The following ANK3 variants were observed in gnomAD, a reference collection of about 807,000 sequenced individuals.
The protein encoded by ANK3 is ankyrin-3.
In ANK3, 57 loss-of-function variants were observed where a neutral mutation model predicts 370.9. That is an observed-to-expected ratio of 0.15 (90% CI 0.12 to 0.19). The LOEUF is 0.19. Ranked by LOEUF, ANK3 falls within the 10% of genes least tolerant of loss-of-function variation. The pLI is 1.00. For missense variants in ANK3, 4,439 were observed against 5,302.1 expected (o/e 0.84, Z 5.06); for synonymous variants, 1,929 against 1,946.3 (o/e 0.99, Z 0.23).
chr10:60,492,706 C>CAAAAAAAAAAAAAA (rs764367710), intron 2 of ANK3, among the ~76,000 whole-genome samples: 1 of 57,506 alleles, frequency 1.7e-5, no homozygotes, highest in Non-Finnish European at 3.2e-5. Flanking sequence ...GACTCTGTCT[C>CAAAAAAAAAAAAAA]AAAAAAAAAA....
chr10:60,103,287 G>C (rs1432220673), intron 28 of ANK3, among the ~76,000 whole-genome samples: 2 of 152,122 alleles, frequency 1.3e-5, no homozygotes. Flanking sequence ...GAGTGACCTG[G>C]TCACTGGTTT....
intron 2 of ANK3, among the ~76,000 whole-genome samples, chr10:60,530,675 C>T (rs2076585171): frequency 6.6e-6 from 1 of 152,104 alleles, no homozygotes; most frequent in Non-Finnish European, 1.5e-5. Flanking sequence ...GCCTTGGGCA[C>T]CCCTAACCTG....
Position 60,172,346 on chromosome 10 carries a change from T to A in ANK3, c.2440A>T (p.Thr814Ser). 6.2e-7 allele frequency: 1 copy of A among 1,614,010 alleles called. No individual in the cohort carries two copies. The highest frequency in any genetic ancestry group is 8.5e-7 in the Non-Finnish European group (1 of 1,179,904). ...RRLGYISVVDTLKIVTEETMT... is the reference protein window; with the variant it reads ...RRLGYISVVDSLKIVTEETMT... ...GTCTCTTCGGTCACTATCTTCAGGG[T>A]GTCCACTACTGAGATGTAGCCGAGG... The change falls in exon 21 of 44, where the codon ACC (threonine) becomes TCC (serine). Residue 814 changes from threonine (T) to serine (S), a missense_variant. Thr to Ser is a moderately conservative substitution (Grantham distance 58). This residue lies in a region of ANK3 where 702 missense variants were observed against 941.5 expected (regional missense o/e 0.75). Coordinates refer to ENST00000280772, the MANE Select transcript of ANK3 (RefSeq NM_020987.5).
rs1261167497 is a variant in ANK3, at chr10:60,082,820, T to C, written c.4201-83A>G. 8.2e-6 allele frequency: 12 copies of C among 1,468,446 alleles called. 1 individual carries two copies. The Middle Eastern group carries it at 5.5e-4, about 67-fold the overall frequency. The allele number at this position is 1,468,446 out of a possible 1,614,324, so 91.0% of individuals were successfully genotyped here. Reference sequence around the variant, plus strand: ...CTGTATAAGAGTTAAGCATGGTTGTTTTATCAAGCCCTATGAGAGGCAGGA... The same window carrying C: ...CTGTATAAGAGTTAAGCATGGTTGTCTTATCAAGCCCTATGAGAGGCAGGA... On this transcript the variant is annotated intron_variant, in intron 33 of 43. Transcript: ENST00000280772.
intron 1 of ANK3, among the ~76,000 whole-genome samples, chr10:60,679,319 C>A (rs940809116): frequency 6.6e-6 from 1 of 152,078 alleles, no homozygotes; most frequent in African/African-American, 2.4e-5. Flanking sequence ...TGTCAGGCAA[C>A]CATCAGGTGA....
At chr10:60,444,670 C>T (rs1194290749) in intron 2 of ANK3, among the ~76,000 whole-genome samples, 1 of 152,040 alleles carries the variant, frequency 6.6e-6, no homozygotes, top group Non-Finnish European at 1.5e-5. Context: ...TAATTTTTGT[C>T]ACTAGAGGGA....
At chr10:60,597,299 G>A (rs2078001276) in intron 2 of ANK3, among the ~76,000 whole-genome samples, 1 of 152,134 alleles carries the variant, frequency 6.6e-6, no homozygotes. Context: ...AATTACAAAT[G>A]AGATGGGAAG....
chr10:60,196,315 G>T, intron 15 of ANK3, 72 bp from the exon 16 acceptor site: 1 of 1,361,250 alleles, frequency 7.3e-7, no homozygotes, highest in South Asian at 1.2e-5. Flanking sequence ...TTGAGGAAAT[G>T]AAATTAGATT....
intron 1 of ANK3, among the ~76,000 whole-genome samples, chr10:60,338,858 C>T (rs1328170195): frequency 1.3e-5 from 2 of 152,134 alleles, no homozygotes; most frequent in Non-Finnish European, 2.9e-5. Flanking sequence ...GCAATCTACT[C>T]AGAGGCCAAA....
chr10:60,196,774 G>A, intron 14 of ANK3, 149 bp from the exon 15 acceptor site: 1 of 599,554 alleles, frequency 1.7e-6, no homozygotes, highest in Middle Eastern at 4.4e-4. Context: ...TTGATGATGA[G>A]CAGTGAAGTC....
At chr10:60,572,844 C>G in intron 2 of ANK3, 2 of 1,090,502 alleles carry the variant, frequency 1.8e-6, no homozygotes, top group Non-Finnish European at 2.2e-6. Context: ...CCTGACAAGA[C>G]TTTGTTGCTT....
chr10:60,487,250 C>G (rs2075372498), intron 2 of ANK3, among the ~76,000 whole-genome samples: 1 of 152,232 alleles, frequency 6.6e-6, no homozygotes, highest in Non-Finnish European at 1.5e-5. Context: ...TCATCCAGTA[C>G]TTTGCATTAA....
chr10:60,267,991 A>G (rs760778529), intron 5 of ANK3, among the ~76,000 whole-genome samples: 15 of 152,142 alleles, frequency 9.9e-5, no homozygotes, highest in Non-Finnish European at 1.9e-4. Flanking sequence ...TTCTCTGCCT[A>G]GCAAGTTTGT....
upstream of ANK3, among the ~76,000 whole-genome samples, chr10:60,392,500 G>T (rs1319239016): frequency 6.6e-6 from 1 of 152,116 alleles, no homozygotes; most frequent in Non-Finnish European, 1.5e-5. Flanking sequence ...ACAGTACAAG[G>T]TCCAGTCAGG....
At chr10:60,496,712 T>A (rs547440868) in intron 2 of ANK3, among the ~76,000 whole-genome samples, 1 of 145,942 alleles carries the variant, frequency 6.9e-6, no homozygotes, top group Non-Finnish European at 1.5e-5. Flanking sequence ...TTTGGTATTC[T>A]CTGCATAACT....
chr10:60,344,498 C>G (rs1489034536), intron 1 of ANK3, among the ~76,000 whole-genome samples: 1 of 152,120 alleles, frequency 6.6e-6, no homozygotes, highest in African/African-American at 2.4e-5. Context: ...CAAAGACGCA[C>G]AGCAAAGAGG....
intron 39 of ANK3, among the ~76,000 whole-genome samples, chr10:60,063,812 C>G (rs571343289): frequency 2.0e-5 from 3 of 152,178 alleles, no homozygotes; most frequent in Non-Finnish European, 4.4e-5. Flanking sequence ...CACCTCCAGC[C>G]ATAGTGGTAA....
At chr10:60,396,160 T>C (rs1353064640) in intron 2 of ANK3, among the ~76,000 whole-genome samples, 4 of 151,906 alleles carry the variant, frequency 2.6e-5, no homozygotes, top group Non-Finnish European at 5.9e-5. Context: ...AGTAAACAAA[T>C]AAAAAAATGA....
chr10:60,068,870 C>T lies in ANK3; in HGVS notation c.12011G>A (p.Ser4004Asn). The T allele has an allele frequency of 6.2e-7, 1 of 1,614,186 alleles. No homozygotes were observed. Among genetic ancestry groups the T allele is most frequent in the Non-Finnish European group, 8.5e-7 (1 of 1,180,020 alleles). The change falls in exon 37 of 44, where the codon AGT (serine) becomes AAT (asparagine). Residue 4004 changes from serine to asparagine, a missense_variant. Physicochemically the swap from Ser to Asn is conservative, Grantham distance 46. Around this residue, in one of 13 missense-constraint regions of ANK3, gnomAD observed 496 missense variants for 529.3 expected, o/e 0.94. Transcript: ENST00000280772. ...GTCCACAAGCTTTAAGGTCTCACCA[C>T]TAATTCCCTTAAAATATTCAATGGA... is the stretch of plus-strand genomic sequence containing the variant. The part of the protein sequence containing the change: ...KHSIEYFKGI[S>N]GETLKLVDRL...
Sources: allele counts gnomAD v4.1 joint callset (sites outside exome capture counted in the v4.1 genomes callset), GRCh38; gene constraint gnomAD v4.1.1; regional missense constraint gnomAD v4.1.1; transcripts MANE v1.5; gene names NCBI Gene and HGNC (gene_info 2026-07-23, HGNC 2026-07-21).